PDZRN4: variants seen among roughly 807,000 people sequenced by gnomAD.
PDZRN4 encodes PDZ domain containing ring finger 4, also known as PDZ domain-containing RING finger protein 4.
In PDZRN4, 70 loss-of-function variants were observed where a neutral mutation model predicts 99.0. The ratio of observed to expected loss-of-function variants is 0.71; its 90% CI spans 0.58 to 0.86. The LOEUF (loss-of-function observed/expected upper bound fraction) is 0.86, where lower values mean the gene tolerates loss of function less well. PDZRN4 is among the 40% of genes least tolerant of loss of function. PDZRN4 has a pLI of 0.00. For synonymous variants in PDZRN4, 551 were observed against 501.6 expected (o/e 1.10, Z -1.32); for missense variants, 1,474 against 1,331.2 (o/e 1.11, Z -1.67).
chr12:41,308,678 A>G (rs1052155983), intron 3 of PDZRN4, among the ~76,000 whole-genome samples: 1 of 152,188 alleles, frequency 6.6e-6, no homozygotes, highest in Non-Finnish European at 1.5e-5. Flanking sequence ...ATATATTTAT[A>G]TCTGATTTTA....
intron 3 of PDZRN4, among the ~76,000 whole-genome samples, chr12:41,239,849 G>C (rs550225025): frequency 6.6e-5 from 10 of 152,084 alleles, no homozygotes; most frequent in African/African-American, 2.4e-4. Context: ...TATTTAAAAA[G>C]GCAAATGTTA....
intron 3 of PDZRN4, among the ~76,000 whole-genome samples, chr12:41,433,317 C>G (rs1445138410): frequency 3.3e-5 from 5 of 152,148 alleles, no homozygotes; most frequent in African/African-American, 1.2e-4. Flanking sequence ...AGATTGAATT[C>G]CACCACAGAA....
intron 3 of PDZRN4, among the ~76,000 whole-genome samples, chr12:41,494,976 T>C (rs1474972076): frequency 6.6e-6 from 1 of 152,094 alleles, no homozygotes; most frequent in Non-Finnish European, 1.5e-5. Flanking sequence ...AAAGGGACAG[T>C]TGTATGTCAT....
intron 3 of PDZRN4, among the ~76,000 whole-genome samples, chr12:41,400,204 T>A (rs967351797): frequency 6.6e-6 from 1 of 152,192 alleles, no homozygotes; most frequent in Non-Finnish European, 1.5e-5. Flanking sequence ...TTCTCCCTGT[T>A]GTGCATTTAA....
intron 3 of PDZRN4, among the ~76,000 whole-genome samples, chr12:41,403,067 A>G (rs2121148246): frequency 6.6e-6 from 1 of 152,252 alleles, no homozygotes; most frequent in East Asian, 1.9e-4. Context: ...AATAACTTTT[A>G]AAAATTCAGA....
chr12:41,548,071 T>C (rs1275196295), intron 5 of PDZRN4, among the ~76,000 whole-genome samples: 1 of 152,244 alleles, frequency 6.6e-6, no homozygotes, highest in Non-Finnish European at 1.5e-5. Context: ...GCTTTAGCTT[T>C]TACCCTTATG....
chr12:41,253,075 G>A (rs1951181521), intron 3 of PDZRN4, among the ~76,000 whole-genome samples: 1 of 152,106 alleles, frequency 6.6e-6, no homozygotes, highest in African/African-American at 2.4e-5. Flanking sequence ...ATTAATGTCG[G>A]TATTGAATTG....
intron 3 of PDZRN4, among the ~76,000 whole-genome samples, chr12:41,246,943 G>T (rs975540539): frequency 6.6e-6 from 1 of 152,012 alleles, no homozygotes; most frequent in African/African-American, 2.4e-5. Context: ...CTTCGGCTAG[G>T]ATATTTTGCC....
chr12:41,189,683 T>C (rs1340174055), intron 1 of PDZRN4, among the ~76,000 whole-genome samples: 1 of 152,156 alleles, frequency 6.6e-6, no homozygotes, highest in Non-Finnish European at 1.5e-5. Flanking sequence ...CCTCAGGAGT[T>C]GAGAGATGGG....
At chr12:41,270,653 A>G (rs11180567) in intron 3 of PDZRN4, among the ~76,000 whole-genome samples, 18,512 of 152,110 alleles carry the variant, frequency 0.12, 1,989 homozygotes, top group African/African-American at 0.28. Context: ...TTAATCATAC[A>G]ATAAATGTAC....
chr12:41,252,746 A>G (rs1951179334), intron 3 of PDZRN4, among the ~76,000 whole-genome samples: 1 of 152,192 alleles, frequency 6.6e-6, no homozygotes, highest in Non-Finnish European at 1.5e-5. Context: ...AATAAAAAGA[A>G]AAAAGGCAAA....
intron 3 of PDZRN4, among the ~76,000 whole-genome samples, chr12:41,413,806 G>T (rs557107530): frequency 1.3e-5 from 2 of 151,922 alleles, no homozygotes; most frequent in Non-Finnish European, 2.9e-5. Context: ...TGTTAAGACC[G>T]TTTACATTCA....
intron 3 of PDZRN4, among the ~76,000 whole-genome samples, chr12:41,271,452 T>C (rs554111739): frequency 6.6e-6 from 1 of 152,266 alleles, no homozygotes; most frequent in East Asian, 1.9e-4. Context: ...CGTTCTTCCC[T>C]GGGTTTTGCA....
At chr12:41,403,798 AC>A (rs1952321814) in intron 3 of PDZRN4, among the ~76,000 whole-genome samples, 1 of 152,178 alleles carries the variant, frequency 6.6e-6, no homozygotes, top group Non-Finnish European at 1.5e-5. Context: ...TTTGTTAATT[AC>A]TTTTTAGTAC....
intron 9 of PDZRN4, among the ~76,000 whole-genome samples, chr12:41,571,906 T>C (rs1939488723): frequency 6.6e-6 from 1 of 152,190 alleles, no homozygotes; most frequent in Non-Finnish European, 1.5e-5. Context: ...GCCAGTGAAG[T>C]TTCCTCTGTA....
intron 3 of PDZRN4, among the ~76,000 whole-genome samples, chr12:41,271,727 G>A (rs977073066): frequency 2.0e-5 from 3 of 152,012 alleles, no homozygotes; most frequent in Non-Finnish European, 2.9e-5. Context: ...ATAAATCAGC[G>A]GTGACAATTC....
chr12:41,541,098 C>A (rs1371570016), intron 5 of PDZRN4, among the ~76,000 whole-genome samples: 1 of 150,940 alleles, frequency 6.6e-6, no homozygotes, highest in Non-Finnish European at 1.5e-5. Context: ...CTAATTTTTT[C>A]TTTTTGTATT....
At chr12:41,519,770 A>G (rs187176692) in intron 5 of PDZRN4, among the ~76,000 whole-genome samples, 4 of 152,156 alleles carry the variant, frequency 2.6e-5, no homozygotes, top group African/African-American at 9.6e-5. Context: ...CTCTTAGTAG[A>G]TATATTGTGG....
At chr12:41,267,763 C>A (rs1207230922) in intron 3 of PDZRN4, among the ~76,000 whole-genome samples, 2 of 151,994 alleles carry the variant, frequency 1.3e-5, no homozygotes, top group Non-Finnish European at 2.9e-5. Flanking sequence ...ATTGCGTGAA[C>A]CCAGGAGATG....
Sources: allele counts gnomAD v4.1 joint callset (sites outside exome capture counted in the v4.1 genomes callset), GRCh38; gene constraint gnomAD v4.1.1; transcripts MANE v1.5; gene names NCBI Gene and HGNC (gene_info 2026-07-23, HGNC 2026-07-21).